Variants in PHACTR1 observed in about 807,000 individuals in gnomAD.
The protein encoded by PHACTR1 is RPEL repeat containing 1.
A neutral mutation model predicts 69.2 loss-of-function variants in PHACTR1; 16 were observed. The observed-to-expected ratio is 0.23, with a 90% CI of 0.16 to 0.35. The LOEUF (loss-of-function observed/expected upper bound fraction) is 0.35, where lower values mean the gene tolerates loss of function less well. Ranked by LOEUF, PHACTR1 falls within the 10% of genes least tolerant of loss-of-function variation. The pLI is 1.00. For synonymous variants in PHACTR1, 312 were observed against 284.5 expected, an observed-to-expected ratio of 1.10 and a Z score of -0.97; for missense variants, 510 against 734.7, an observed-to-expected ratio of 0.69 and a Z score of 3.54.
chr6:13,022,735 T>A (rs1801146033), intron 4 of PHACTR1, among the ~76,000 whole-genome samples: 1 of 151,826 alleles, frequency 6.6e-6, no homozygotes, highest in Admixed American at 6.6e-5. Flanking sequence ...GTATCTCTCC[T>A]GTCTGGGTGC....
intron 4 of PHACTR1, among the ~76,000 whole-genome samples, chr6:12,960,246 G>A (rs1007551979): frequency 6.6e-5 from 10 of 152,182 alleles, no homozygotes; most frequent in African/African-American, 2.4e-4. Flanking sequence ...GCTGTGCCTG[G>A]CACACTTAGT....
At chr6:13,022,925 G>A (rs1801183981) in intron 4 of PHACTR1, among the ~76,000 whole-genome samples, 1 of 152,044 alleles carries the variant, frequency 6.6e-6, no homozygotes. Flanking sequence ...ACTGAGGTGG[G>A]AGGATCACCT....
intron 7 of PHACTR1, among the ~76,000 whole-genome samples, chr6:13,205,586 C>A (rs1278429456): frequency 6.6e-6 from 1 of 152,226 alleles, no homozygotes; most frequent in Non-Finnish European, 1.5e-5. Flanking sequence ...CCACTAATGT[C>A]TGGGTTCCTG....
At chr6:12,780,475 G>A (rs570806116) in intron 4 of PHACTR1, among the ~76,000 whole-genome samples, 1 of 152,200 alleles carries the variant, frequency 6.6e-6, no homozygotes, top group South Asian at 2.1e-4. Flanking sequence ...ATTATGCAGA[G>A]GCAATTTCAC....
At chr6:13,159,409 A>G (rs1440829644) in intron 5 of PHACTR1, among the ~76,000 whole-genome samples, 1 of 152,228 alleles carries the variant, frequency 6.6e-6, no homozygotes, top group African/African-American at 2.4e-5. Flanking sequence ...GTTGGAAAGC[A>G]ACAGAATCCT....
intron 7 of PHACTR1, among the ~76,000 whole-genome samples, chr6:13,187,754 G>A (rs1458926206): frequency 6.6e-6 from 1 of 152,162 alleles, no homozygotes; most frequent in Non-Finnish European, 1.5e-5. Context: ...ATACCATTGA[G>A]CCAGGGATAC....
intron 5 of PHACTR1, among the ~76,000 whole-genome samples, chr6:13,153,746 AC>A (rs1331136569): frequency 3.3e-5 from 5 of 152,206 alleles, no homozygotes; most frequent in African/African-American, 1.2e-4. Flanking sequence ...TTTGGGGAGA[AC>A]TAGACTCCGG....
chr6:13,152,425 AAGGAGGT>A (rs1160542639), intron 5 of PHACTR1, among the ~76,000 whole-genome samples: 4 of 152,204 alleles, frequency 2.6e-5, no homozygotes, highest in Non-Finnish European at 5.9e-5. Context: ...AAAATACATT[AAGGAGGT>A]ATCATGGGGA....
chr6:12,922,697 G>A (rs534794771), intron 4 of PHACTR1, among the ~76,000 whole-genome samples: 1 of 152,204 alleles, frequency 6.6e-6, no homozygotes, highest in Non-Finnish European at 1.5e-5. Context: ...CTAGTCAGTG[G>A]GTGGTAAGAA....
chr6:13,251,041 A>G (rs2127396919), intron 10 of PHACTR1, among the ~76,000 whole-genome samples: 1 of 152,334 alleles, frequency 6.6e-6, no homozygotes, highest in South Asian at 2.1e-4. Flanking sequence ...GATCAGTGAA[A>G]GGAGCTACTG....
At chr6:12,863,165 A>G (rs1561956572) in intron 4 of PHACTR1, among the ~76,000 whole-genome samples, 1 of 152,282 alleles carries the variant, frequency 6.6e-6, no homozygotes, top group Non-Finnish European at 1.5e-5. Context: ...TGTATAGATT[A>G]GTCTGCTCAG....
intron 5 of PHACTR1, among the ~76,000 whole-genome samples, chr6:13,116,654 A>G (rs578137777): frequency 1.3e-5 from 2 of 152,348 alleles, no homozygotes; most frequent in East Asian, 1.9e-4. Context: ...ATAAAAATAC[A>G]TCCACTTGCT....
At chr6:12,757,941 G>A (rs546171373) in intron 4 of PHACTR1, among the ~76,000 whole-genome samples, 83 of 152,170 alleles carry the variant, frequency 5.5e-4, no homozygotes, top group Non-Finnish European at 9.1e-4. Flanking sequence ...GTGAAACCCC[G>A]TCTCTACTAA....
intron 4 of PHACTR1, among the ~76,000 whole-genome samples, chr6:12,845,495 A>G (rs1175544251): frequency 7.4e-6 from 1 of 134,944 alleles, no homozygotes; most frequent in Non-Finnish European, 1.5e-5. Flanking sequence ...AGATGGCAGC[A>G]TTATCATCCA....
intron 5 of PHACTR1, among the ~76,000 whole-genome samples, chr6:13,096,655 G>A (rs1486421417): frequency 1.3e-5 from 2 of 152,202 alleles, no homozygotes; most frequent in Admixed American, 6.5e-5. Flanking sequence ...ATTGAAACTC[G>A]TGAAGAAACT....
intron 5 of PHACTR1, among the ~76,000 whole-genome samples, chr6:13,057,541 G>C (rs75938644): frequency 0.012 from 1,790 of 152,252 alleles, 34 homozygotes; most frequent in African/African-American, 0.041. Context: ...AATTTGCCAT[G>C]ATTAGGTATA....
At chr6:13,122,291 A>G (rs1172143820) in intron 5 of PHACTR1, among the ~76,000 whole-genome samples, 3 of 152,244 alleles carry the variant, frequency 2.0e-5, no homozygotes, top group Non-Finnish European at 4.4e-5. Context: ...TTGGCATTGC[A>G]TAACCTGCTA....
chr6:12,881,755 G>T (rs545828293), intron 4 of PHACTR1, among the ~76,000 whole-genome samples: 2 of 152,106 alleles, frequency 1.3e-5, no homozygotes, highest in South Asian at 4.1e-4. Context: ...TAAGTAAATG[G>T]TACTAAACAC....
intron 4 of PHACTR1, among the ~76,000 whole-genome samples, chr6:12,830,608 A>G (rs1777442649): frequency 6.6e-6 from 1 of 151,616 alleles, no homozygotes; most frequent in South Asian, 2.1e-4. Flanking sequence ...ATTTTTTTTG[A>G]GACAGAGTTT....
Sources: allele counts gnomAD v4.1 joint callset (sites outside exome capture counted in the v4.1 genomes callset), GRCh38; gene constraint gnomAD v4.1.1; transcripts MANE v1.5; gene names NCBI Gene and HGNC (gene_info 2026-07-23, HGNC 2026-07-21).